INF2: variants seen among roughly 807,000 people sequenced by gnomAD.
The protein encoded by INF2 is inverted formin 2.
In INF2, 43 loss-of-function variants were observed where a neutral mutation model predicts 123.5. The observed-to-expected ratio is 0.35, with a 90% CI of 0.27 to 0.45. The LOEUF (loss-of-function observed/expected upper bound fraction) is 0.45. Ranked by LOEUF, INF2 falls within the 20% of genes least tolerant of loss-of-function variation. The probability of loss-of-function intolerance (pLI) is 1.00; values close to 1 mark genes in which losing one functional copy is unlikely to be tolerated. For missense variants in INF2, 1,453 were observed against 1,682.7 expected (o/e 0.86, Z 2.39); for synonymous variants, 851 against 745.0 (o/e 1.14, Z -2.32).
At position 104,707,763 on chromosome 14, in the gene INF2, GCCCGCC is replaced by G; in HGVS notation, c.1500_1505del (p.Pro504_Pro505del). 3.8e-6 allele frequency: 4 copies of G among 1,042,928 alleles called. No homozygotes were observed. Among genetic ancestry groups the G allele is most frequent in the African/African-American group, 1.9e-5 (1 of 51,808 alleles). 64.6% of individuals were successfully genotyped at this position (1,042,928 alleles called of 1,614,324 possible). The stretch of plus-strand genomic sequence containing the variant: ...CCTCCACCACTCCCGGGCTTGGGAT[GCCCGCC>G]CCCACCCCCACCCCTGCTGCCTGGT... On this transcript the variant is annotated inframe_deletion, in exon 8 of 23. Coordinates refer to ENST00000392634, the MANE Select transcript of INF2 (RefSeq NM_022489.4).
rs1024698358 is a variant in INF2 at position 104,718,688 on chromosome 14, G to C, written c.*2-107G>C. On this transcript the variant is annotated intron_variant, in intron 22 of 22. Transcript: ENST00000392634. The stretch of plus-strand genomic sequence containing the variant: ...CTGCGATGCATGGCACAACCTGCTG[G>C]ACAGTGGCGATGAGGGGTTCAGGGA... The C allele has an allele frequency of 2.6e-5, 40 of 1,550,026 alleles. No individual in the cohort carries two copies. In the African/African-American group the frequency reaches 5.5e-4, roughly 21 times the overall value.
At chr14:104,685,815 G>T (rs1888644817), upstream of INF2, among the ~76,000 whole-genome samples, 1 of 150,124 alleles carries the variant, frequency 6.7e-6, no homozygotes, top group Non-Finnish European at 1.5e-5. Context: ...GTGGATGAGT[G>T]GATGATGGGT....
intron 1 of INF2, among the ~76,000 whole-genome samples, chr14:104,694,967 TC>T (rs1889117989): frequency 6.6e-6 from 1 of 152,028 alleles, no homozygotes; most frequent in African/African-American, 2.4e-5. Context: ...CTGCTGCCCT[TC>T]CCCCTCCCAG....
Position 104,699,274 on chromosome 14 carries a change from C to A in INF2, c.-9-2083C>A, listed in dbSNP as rs980354343. The A allele has an allele frequency of 2.3e-6, 1 of 442,290 alleles. No individual in the cohort carries two copies. Among genetic ancestry groups the A allele is most frequent in the Admixed American group, 6.4e-5 (1 of 15,570 alleles). The allele number at this position is 442,290 out of a possible 1,614,324, so 27.4% of individuals were successfully genotyped here. A position where few individuals can be genotyped will look rare whatever the true frequency, so the allele number is the denominator to read the frequency against. ...GGGAGAGTTCATAACTCCGTCCACT[C>A]AGCCTGTGCCAAGGGGACAGGGACT... is the stretch of plus-strand genomic sequence containing the variant. On this transcript the variant is annotated intron_variant, in intron 1 of 22. Coordinates refer to ENST00000392634, the MANE Select transcript of INF2 (RefSeq NM_022489.4). This position sits in a 1 kb window ranked among gnomAD's most constrained non-coding sequence, Gnocchi z 4.7.
At position 104,713,159 on chromosome 14, in the gene INF2, CCT is replaced by C. The variant is rs753616525; in HGVS notation, c.2776-47_2776-46del. 1.5e-5 allele frequency: 24 copies of C among 1,581,908 alleles called. No individual in the cohort carries two copies. The African/African-American group carries it at 3.1e-4, about 20-fold the overall frequency. Reference sequence around the variant, plus strand: ...GGGGGACGCCCAGGCCCATGGAGCCCCTGAGGGATGCCACGCTGGGGTGACGG... The same window carrying C: ...GGGGGACGCCCAGGCCCATGGAGCCCGAGGGATGCCACGCTGGGGTGACGG... On this transcript the variant is annotated intron_variant, in intron 18 of 22. Coordinates refer to ENST00000392634, the MANE Select transcript of INF2 (RefSeq NM_022489.4).
intron 15 of INF2, 141 bp from the exon 16 acceptor site, chr14:104,711,488 G>T: frequency 1.3e-6 from 1 of 781,352 alleles, no homozygotes; most frequent in Non-Finnish European, 2.2e-6. Flanking sequence ...CCAGGCCCAA[G>T]GGAAAGATTT....
chr14:104,709,389 A>C lies in INF2; in HGVS notation c.2052+6A>C. The stretch of plus-strand genomic sequence containing the variant: ...TCCTTCCCGAGAAGCACGAGGTAAG[A>C]GGACCACCCCCACACCCCACCCCCA... On this transcript the variant is annotated splice_donor_region_variant and intron_variant, in intron 11 of 22. Coordinates refer to ENST00000392634, the MANE Select transcript of INF2 (RefSeq NM_022489.4). The C allele has an allele frequency of 6.2e-7, 1 of 1,606,126 alleles. No individual in the cohort carries two copies. Among genetic ancestry groups the C allele is most frequent in the Non-Finnish European group, 8.5e-7 (1 of 1,173,740 alleles).
rs558283420 is a variant in INF2 at position 104,710,517 on chromosome 14, GCA to G, written c.2239+338_2239+339del. Among the ~76,000 whole-genome samples, 170 of 151,990 alleles carry G rather than the reference GCA, an allele frequency of 1.1e-3. 1 individual carries two copies. The highest frequency in any genetic ancestry group is 1.9e-3 in the Non-Finnish European group (131 of 67,964). On this transcript the variant is annotated intron_variant, in intron 13 of 22. Transcript: ENST00000392634. ...CATGCACACCGCCACTCGGGCACGT[GCA>G]CACACACAAGCCCACAAGCACAGTC...
rs115994445 is a variant in INF2 at position 104,702,858 on chromosome 14, C to G, written c.392-247C>G. Among the ~76,000 whole-genome samples the G allele has an allele frequency of 8.9e-3, 1,357 of 152,342 alleles. 20 individuals are homozygous for G. Among genetic ancestry groups the G allele is most frequent in the African/African-American group, 0.031 (1,274 of 41,578 alleles). On this transcript the variant is annotated intron_variant, in intron 2 of 22. Transcript: ENST00000392634. ...GAAAAGCTGGGCCCAGAGCCAGTGA[C>G]AGGATGGGGCAGCTGCCTCCAAGCC...
chr14:104,707,835 C>A lies in INF2; in HGVS notation c.1568C>A (p.Pro523His). 5 of 1,599,364 alleles carry A rather than the reference C, an allele frequency of 3.1e-6. No individual in the cohort carries two copies. The highest frequency in any genetic ancestry group is 4.3e-6 in the Non-Finnish European group (5 of 1,175,342). The change falls in exon 8 of 23, where the codon CCC becomes CAC. Residue 523 changes from proline (P) to histidine (H), a missense_variant. Pro to His is a moderately conservative substitution (Grantham distance 77). Transcript: ENST00000392634. ...CCTCCACCCCCACCTCCACTACTGC[C>A]CTGCACCTGCAGCCCCCCCGTGGCG... is the stretch of plus-strand genomic sequence containing the variant. ...GPPPPPPPLLPCTCSPPVAGG... is the reference protein window; with the variant it reads ...GPPPPPPPLLHCTCSPPVAGG...
rs1209796151 is a variant in INF2, at chr14:104,684,237, G to C, written c.-104+2655G>C. ...GGCAACCGAGAAGGAGGCTGGGGAG[G>C]GACAGCTCGAGGGCTCACTGGAGGT... On this transcript the variant is annotated intron_variant, in intron 1 of 2. Transcript: ENST00000674723. This position sits in a 1 kb window ranked among gnomAD's most constrained non-coding sequence, Gnocchi z 5.0. The C allele has an allele frequency of 1.2e-5, 5 of 433,900 alleles. No homozygotes were observed. The highest frequency in any genetic ancestry group is 1.9e-5 in the Non-Finnish European group (4 of 214,048). 26.9% of individuals were successfully genotyped at this position (433,900 alleles called of 1,614,324 possible). A position where few individuals can be genotyped will look rare whatever the true frequency, so the allele number is the denominator to read the frequency against.
At chr14:104,689,560 G>A (rs1888831690), upstream of INF2, 3 of 867,952 alleles carry the variant, frequency 3.5e-6, no homozygotes, top group Non-Finnish European at 4.1e-6. Flanking sequence ...CCACGTGGCC[G>A]CTGACGGGCG....
intron 22 of INF2, among the ~76,000 whole-genome samples, chr14:104,717,871 C>T (rs1890386376): frequency 6.6e-6 from 1 of 151,502 alleles, no homozygotes; most frequent in Non-Finnish European, 1.5e-5. Flanking sequence ...CTCGTCCGAG[C>T]GTTCCCCCCT....
rs1566778651 is a variant in INF2, at chr14:104,703,317, G to A, written c.530G>A (p.Arg177His). Reference sequence around the variant, plus strand: ...CAGACGGTGTGCAGCCAGCAGTACCGCTTCAGCATTGTCATGAACGAGCTC... The same window carrying A: ...CAGACGGTGTGCAGCCAGCAGTACCACTTCAGCATTGTCATGAACGAGCTC... Reference protein sequence around the residue: ...HYKTVCSQQYRFSIVMNELSG... With the variant: ...HYKTVCSQQYHFSIVMNELSG... The change falls in exon 4 of 23, where the codon CGC (arginine) becomes CAC (histidine). Residue 177 changes from arginine to histidine, a missense_variant. Around this residue, in one of 8 missense-constraint regions of INF2, gnomAD observed 251 missense variants for 349.4 expected, o/e 0.72. Transcript: ENST00000392634. 2 of 1,613,102 alleles carry A rather than the reference G, an allele frequency of 1.2e-6. No homozygotes were observed. Among genetic ancestry groups the A allele is most frequent in the Non-Finnish European group, 1.7e-6 (2 of 1,179,918 alleles).
At chr14:104,712,582 C>T (rs749640394) in intron 17 of INF2, 29 bp downstream of exon 17, 13 of 1,612,158 alleles carry the variant, frequency 8.1e-6, no homozygotes, top group South Asian at 5.5e-5. Context: ...CTGGGGCTGG[C>T]GGGAGAGGCT....
Position 104,714,862 on chromosome 14 carries a change from T to A in INF2, c.3694+6T>A. The A allele has an allele frequency of 6.4e-7, 1 of 1,550,774 alleles. No individual in the cohort carries two copies. The highest frequency in any genetic ancestry group is 8.7e-7 in the Non-Finnish European group (1 of 1,155,504). On this transcript the variant is annotated splice_donor_region_variant and intron_variant, in intron 21 of 22. Transcript: ENST00000392634. ...TCCCTCCAGGAGCCAGGAAGGTAAC[T>A]CAGGGAGGGGCCCCGGGCACCGTCC...
Position 104,714,704 on chromosome 14 carries a change from C to G in INF2, c.3542C>G (p.Pro1181Arg), listed in dbSNP as rs1430235581. Residue 1181 changes from proline to arginine, a missense_variant, in exon 21 of 23, where the codon CCA (proline) becomes CGA (arginine). Pro to Arg is a moderately radical substitution (Grantham distance 103). Around this residue, in one of 8 missense-constraint regions of INF2, gnomAD observed 344 missense variants for 333.1 expected, o/e 1.03. Transcript: ENST00000392634. ...DEDEDEEDTA[P>R]ESALDTSLDK... ...GACGAGGACGAGGAGGACACGGCCC[C>G]AGAGTCCGCACTGGACACATCCCTG... 1 of 1,610,220 alleles carries G rather than the reference C, an allele frequency of 6.2e-7. No individual in the cohort carries two copies. Among genetic ancestry groups the G allele is most frequent in the Middle Eastern group, 1.6e-4 (1 of 6,078 alleles).
chr14:104,714,687 C>A lies in INF2; in HGVS notation c.3525C>A (p.Asp1175Glu), dbSNP rs774238837. ...AAGPGGDEDE[D>E]EEDTAPESAL... Reference sequence around the variant, plus strand: ...GCCCAGGTGGGGATGAGGACGAGGACGAGGAGGACACGGCCCCAGAGTCCG... The same window carrying A: ...GCCCAGGTGGGGATGAGGACGAGGAAGAGGAGGACACGGCCCCAGAGTCCG... Residue 1175 changes from aspartate (D) to glutamate (E), a missense_variant, in exon 21 of 23, where the codon GAC (aspartate) becomes GAA (glutamate). Coordinates refer to ENST00000392634, the MANE Select transcript of INF2 (RefSeq NM_022489.4). 1 of 1,611,338 alleles carries A rather than the reference C, an allele frequency of 6.2e-7. No individual in the cohort carries two copies. Among genetic ancestry groups the A allele is most frequent in the South Asian group, 1.1e-5 (1 of 91,036 alleles).
exon 1 of INF2, chr14:104,681,196 C>T (rs1009832054): frequency 4.1e-5 from 13 of 318,750 alleles, no homozygotes; most frequent in Admixed American, 2.0e-4. Flanking sequence ...GGAAATGGGG[C>T]GGGCGAGGAG....
Sources: allele counts gnomAD v4.1 joint callset (sites outside exome capture counted in the v4.1 genomes callset), GRCh38; gene constraint gnomAD v4.1.1; regional missense constraint gnomAD v4.1.1; non-coding constraint Gnocchi (gnomAD v3.1); transcripts MANE v1.5; gene names NCBI Gene and HGNC (gene_info 2026-07-23, HGNC 2026-07-21).